The following ADAMTS17 variants were observed in gnomAD, a reference collection of about 807,000 sequenced individuals.
ADAMTS17 encodes ADAM metallopeptidase with thrombospondin type 1 motif 17.
ADAMTS17 carries 113 observed loss-of-function variants against 141.5 expected under a neutral mutation model. The observed-to-expected ratio is 0.80, with a 90% CI of 0.69 to 0.93. The LOEUF (loss-of-function observed/expected upper bound fraction) is 0.93, where lower values mean the gene tolerates loss of function less well. ADAMTS17 is among the 40% of genes least tolerant of loss of function. ADAMTS17 has a pLI of 0.00. For missense variants in ADAMTS17, 1,659 were observed against 1,517.9 expected, an observed-to-expected ratio of 1.09 and a Z score of -1.54; for synonymous variants, 768 against 630.6, an observed-to-expected ratio of 1.22 and a Z score of -3.27.
In ADAMTS17 at chr15:100,254,145, C is replaced by G; in HGVS notation, c.1066G>C (p.Asp356His). Residue 356 changes from aspartate to histidine, a missense_variant, in exon 7 of 22, where the codon GAC becomes CAC. By Grantham distance (81) the Asp-to-His change is moderately conservative. Coordinates refer to ENST00000268070, the MANE Select transcript of ADAMTS17 (RefSeq NM_139057.4). ...TCAACTCTAAACTTACCAACAGTGT[C>G]ACACGGTTCATCCTTGTGTACACAG... ...DFCVHKDEPC[D>H]TVGIAYLGGV... The G allele has an allele frequency of 6.2e-7, 1 of 1,613,430 alleles. No individual in the cohort carries two copies. The highest frequency in any genetic ancestry group is 1.1e-5 in the South Asian group (1 of 91,056).
rs187694682 is a variant in ADAMTS17 at position 100,311,104 on chromosome 15, C to T, written c.616+19785G>A. Among the ~76,000 whole-genome samples the T allele has an allele frequency of 2.6e-5, 4 of 152,340 alleles. No homozygotes were observed. The East Asian group carries it at 7.7e-4, about 29-fold the overall frequency. The stretch of plus-strand genomic sequence containing the variant: ...CCCGAAAGCCATTTCTTAAAAAGAC[C>T]AGAGTGTCTGTTCTCCTTCCCTTGC... On this transcript the variant is annotated intron_variant, in intron 3 of 21. Coordinates refer to ENST00000268070, the MANE Select transcript of ADAMTS17 (RefSeq NM_139057.4).
intron 7 of ADAMTS17, among the ~76,000 whole-genome samples, chr15:100,206,484 G>A (rs192136471): frequency 1.1e-3 from 161 of 152,268 alleles, no homozygotes; most frequent in Non-Finnish European, 1.9e-3. Flanking sequence ...ACTGCTTGGC[G>A]CCTATTTCGG....
intron 15 of ADAMTS17, among the ~76,000 whole-genome samples, chr15:100,060,501 G>A (rs932023922): frequency 6.6e-6 from 1 of 152,218 alleles, no homozygotes; most frequent in Non-Finnish European, 1.5e-5. Context: ...TGAGGGAAGG[G>A]CACTGCTCCT....
chr15:100,229,955 T>C (rs2042426020), intron 7 of ADAMTS17, among the ~76,000 whole-genome samples: 1 of 152,128 alleles, frequency 6.6e-6, no homozygotes, highest in African/African-American at 2.4e-5. Context: ...CCTGCCTGTG[T>C]TGGCCTCCCT....
At chr15:100,132,849 A>G (rs1204085668) in intron 11 of ADAMTS17, among the ~76,000 whole-genome samples, 1 of 152,170 alleles carries the variant, frequency 6.6e-6, no homozygotes, top group Admixed American at 6.5e-5. Flanking sequence ...ATTTAGCTAG[A>G]ATTGGATAAT....
intron 6 of ADAMTS17, among the ~76,000 whole-genome samples, chr15:100,254,616 G>A (rs1596371188): frequency 6.6e-6 from 1 of 152,270 alleles, no homozygotes; most frequent in Non-Finnish European, 1.5e-5. Context: ...TTCACAAGAA[G>A]ACAACAAAAA....
intron 7 of ADAMTS17, among the ~76,000 whole-genome samples, chr15:100,216,536 G>C (rs2141753739): frequency 6.6e-6 from 1 of 152,344 alleles, no homozygotes; most frequent in South Asian, 2.1e-4. Context: ...CAAGATACCA[G>C]CGTATTACAA....
At chr15:100,192,542 G>A (rs1331675610) in intron 8 of ADAMTS17, among the ~76,000 whole-genome samples, 1 of 152,112 alleles carries the variant, frequency 6.6e-6, no homozygotes, top group Non-Finnish European at 1.5e-5. Context: ...TCCTTTCAAT[G>A]CCGGCCCATC....
At chr15:100,077,461 CAAAAA>C (rs61464362) in intron 15 of ADAMTS17, among the ~76,000 whole-genome samples, 7,920 of 139,380 alleles carry the variant, frequency 0.057, 783 homozygotes, top group African/African-American at 0.2. Context: ...GACTCCCTCT[CAAAAA>C]AAAAAAAAAA....
chr15:100,321,391 A>G (rs2045729857), intron 3 of ADAMTS17, among the ~76,000 whole-genome samples: 1 of 152,240 alleles, frequency 6.6e-6, no homozygotes, highest in Non-Finnish European at 1.5e-5. Flanking sequence ...TAACTCTGCC[A>G]ATGAAAAAAC....
intron 4 of ADAMTS17, among the ~76,000 whole-genome samples, chr15:100,268,646 T>G (rs1242319234): frequency 6.6e-6 from 1 of 152,232 alleles, no homozygotes; most frequent in Non-Finnish European, 1.5e-5. Flanking sequence ...GGGTTGCTTT[T>G]GCACTGTTTA....
intron 7 of ADAMTS17, among the ~76,000 whole-genome samples, chr15:100,202,168 C>A (rs1045938601): frequency 1.3e-5 from 2 of 152,232 alleles, no homozygotes; most frequent in African/African-American, 4.8e-5. Context: ...AACACATCCC[C>A]CCTGGCCTCA....
At chr15:100,145,558 T>C (rs1170605277) in intron 10 of ADAMTS17, among the ~76,000 whole-genome samples, 1 of 152,118 alleles carries the variant, frequency 6.6e-6, no homozygotes, top group Non-Finnish European at 1.5e-5. Flanking sequence ...AACTGGACCA[T>C]TAGTACTGTT....
chr15:100,051,726 C>T lies in ADAMTS17; in HGVS notation c.2301G>A (p.Leu767=), dbSNP rs1381322886. The part of the protein sequence containing the change: ...PTKLPLHLMV[L]LFHDQDYGIH... ...TTCCATAATCTTGGTCGTGAAATAA[C>T]AACACCTGGATCAGCCGCAAAACAA... Residue 767 remains leucine (L), a synonymous_variant, in exon 17 of 22, where the codon TTG becomes TTA. Transcript: ENST00000268070. The T allele has an allele frequency of 3.1e-6, 5 of 1,614,164 alleles. No individual in the cohort carries two copies. The Admixed American group carries it at 5.0e-5, about 16-fold the overall frequency.
intron 4 of ADAMTS17, among the ~76,000 whole-genome samples, chr15:100,268,977 AT>A (rs398100017): frequency 9.2e-5 from 1 of 10,912 alleles, no homozygotes; most frequent in Non-Finnish European, 1.7e-4. Context: ...ATAATGCCAC[AT>A]CATACCTACA....
At chr15:100,275,985 CCA>C (rs1471696748) in intron 4 of ADAMTS17, among the ~76,000 whole-genome samples, 1 of 78,366 alleles carries the variant, frequency 1.3e-5, no homozygotes, top group Non-Finnish European at 2.6e-5. Context: ...AGGCCTCTGA[CCA>C]CAGAGACCTA....
intron 12 of ADAMTS17, chr15:100,128,277 G>C (rs9672401): frequency 0.85 from 129,108 of 152,150 alleles, 56,450 homozygotes; most frequent in Non-Finnish European, 0.94. Flanking sequence ...CAGGCCCACA[G>C]CTAGCAGAGT....
intron 10 of ADAMTS17, among the ~76,000 whole-genome samples, chr15:100,134,014 A>C (rs2038194344): frequency 6.6e-6 from 1 of 152,252 alleles, no homozygotes; most frequent in Admixed American, 6.5e-5. Context: ...CAACTGTATC[A>C]TTAGGAAATC....
At chr15:100,065,217 C>T (rs4965577) in intron 15 of ADAMTS17, among the ~76,000 whole-genome samples, 134,560 of 152,168 alleles carry the variant, frequency 0.88, 60,046 homozygotes, top group South Asian at 0.97. Context: ...CTTTTCAACA[C>T]CTCTTAATGC....
Sources: allele counts gnomAD v4.1 joint callset (sites outside exome capture counted in the v4.1 genomes callset), GRCh38; gene constraint gnomAD v4.1.1; transcripts MANE v1.5; gene names NCBI Gene and HGNC (gene_info 2026-07-23, HGNC 2026-07-21).